SORCS2: variants seen among roughly 807,000 people sequenced by gnomAD.
SORCS2 encodes VPS10 domain-containing receptor SorCS2.
Under a neutral mutation model 141.6 loss-of-function variants are expected in SORCS2, and 100 were observed. That is an observed-to-expected ratio of 0.71 (90% CI 0.60 to 0.83). The LOEUF is 0.83. Ranked by LOEUF, SORCS2 falls within the 40% of genes least tolerant of loss-of-function variation. The pLI is 0.00. For missense variants in SORCS2, 1,646 were observed against 1,560.2 expected, an observed-to-expected ratio of 1.05 and a Z score of -0.93; for synonymous variants, 789 against 676.9, an observed-to-expected ratio of 1.17 and a Z score of -2.57.
At chr4:7,291,252 G>A (rs1035681756) in intron 1 of SORCS2, among the ~76,000 whole-genome samples, 1 of 152,172 alleles carries the variant, frequency 6.6e-6, no homozygotes, top group South Asian at 2.1e-4. Flanking sequence ...GAACAGCTGT[G>A]GGGGGCCAGG....
At chr4:7,199,929 C>T (rs1727393687) in intron 1 of SORCS2, among the ~76,000 whole-genome samples, 1 of 152,064 alleles carries the variant, frequency 6.6e-6, no homozygotes, top group South Asian at 2.1e-4. Context: ...GGGACCGACA[C>T]TCCCGGGGAA....
At chr4:7,714,490 T>C in intron 16 of SORCS2, 117 bp downstream of exon 16, 2 of 1,168,632 alleles carry the variant, frequency 1.7e-6, no homozygotes, top group South Asian at 3.0e-5. Context: ...TAACCTGGTG[T>C]CACAGTCGCA....
intron 23 of SORCS2, among the ~76,000 whole-genome samples, chr4:7,730,560 G>C (rs1711582284): frequency 6.6e-6 from 1 of 152,196 alleles, no homozygotes; most frequent in African/African-American, 2.4e-5. Flanking sequence ...ACCACCAAAA[G>C]GAACGAAGCC....
chr4:7,217,696 G>A (rs1728447277), intron 1 of SORCS2, among the ~76,000 whole-genome samples: 1 of 152,198 alleles, frequency 6.6e-6, no homozygotes, highest in Admixed American at 6.5e-5. Context: ...GACTCGTTAT[G>A]TAGCTGTGTG....
intron 3 of SORCS2, among the ~76,000 whole-genome samples, chr4:7,606,638 C>A (rs1166904537): frequency 6.6e-6 from 1 of 152,032 alleles, no homozygotes; most frequent in African/African-American, 2.4e-5. Context: ...GCTGGACTTG[C>A]CCTGTTTGGG....
intron 3 of SORCS2, among the ~76,000 whole-genome samples, chr4:7,584,300 G>T (rs1239798828): frequency 6.6e-6 from 1 of 152,224 alleles, no homozygotes; most frequent in Non-Finnish European, 1.5e-5. Context: ...GAAACAGAGA[G>T]TTGGGAACCC....
chr4:7,216,514 A>C, intron 1 of SORCS2, among the ~76,000 whole-genome samples: 1 of 152,198 alleles, frequency 6.6e-6, no homozygotes, highest in East Asian at 1.9e-4. Flanking sequence ...GCTAAGGTCA[A>C]GGTGTCAGTG....
chr4:7,596,147 C>A (rs1358498472), intron 3 of SORCS2, among the ~76,000 whole-genome samples: 3 of 152,142 alleles, frequency 2.0e-5, no homozygotes, highest in Non-Finnish European at 4.4e-5. Context: ...TAAGACAATG[C>A]CACACTGTGT....
At chr4:7,446,302 C>T (rs1727997577) in intron 2 of SORCS2, among the ~76,000 whole-genome samples, 1 of 152,208 alleles carries the variant, frequency 6.6e-6, no homozygotes, top group Admixed American at 6.5e-5. Flanking sequence ...CCACCCACCC[C>T]AGGAGCTGTG....
At chr4:7,493,935 T>C (rs143204663) in intron 2 of SORCS2, among the ~76,000 whole-genome samples, 3 of 152,250 alleles carry the variant, frequency 2.0e-5, no homozygotes, top group African/African-American at 7.2e-5. Flanking sequence ...ACACAAGCCT[T>C]TTAGTTTCCA....
At chr4:7,467,480 C>T (rs1729687849) in intron 2 of SORCS2, among the ~76,000 whole-genome samples, 1 of 152,218 alleles carries the variant, frequency 6.6e-6, no homozygotes, top group Admixed American at 6.5e-5. Context: ...GCCTCCGAGT[C>T]AAGTGACATC....
At position 7,471,164 on chromosome 4, in the gene SORCS2, C is replaced by T. The variant is rs765953368; in HGVS notation, c.549-60366C>T. Reference sequence around the variant, plus strand: ...GACAGATGCGTTGGGAACAGGTCAGCGTTGCACCCGCCCGCTATCGGGGCC... The same window carrying T: ...GACAGATGCGTTGGGAACAGGTCAGTGTTGCACCCGCCCGCTATCGGGGCC... On this transcript the variant is annotated intron_variant, in intron 2 of 26. Transcript: ENST00000507866. Among the ~76,000 whole-genome samples, 8 of 152,354 alleles carry T rather than the reference C, an allele frequency of 5.3e-5. No individual in the cohort carries two copies. In the East Asian group the frequency reaches 7.7e-4, roughly 15 times the overall value.
At chr4:7,675,078 C>T (rs1202400897) in intron 8 of SORCS2, among the ~76,000 whole-genome samples, 2 of 152,194 alleles carry the variant, frequency 1.3e-5, no homozygotes, top group Admixed American at 6.5e-5. Context: ...CTGTCTGGAC[C>T]CTTTTACTCT....
intron 3 of SORCS2, among the ~76,000 whole-genome samples, chr4:7,544,047 TCCAGCCACCCAC>T (rs1713049530): frequency 7.5e-6 from 1 of 132,724 alleles, no homozygotes; most frequent in African/African-American, 2.9e-5. Context: ...CACCCATCCA[TCCAGCCACCCAC>T]CCATCCATCC....
chr4:7,679,733 C>T (rs993043491), intron 9 of SORCS2, among the ~76,000 whole-genome samples: 1 of 146,510 alleles, frequency 6.8e-6, no homozygotes, highest in African/African-American at 2.5e-5. Flanking sequence ...TGTCTGAAGC[C>T]ACACAACTTG....
chr4:7,657,166 G>T (rs1434557102), intron 5 of SORCS2, among the ~76,000 whole-genome samples: 1 of 152,262 alleles, frequency 6.6e-6, no homozygotes, highest in Non-Finnish European at 1.5e-5. Flanking sequence ...GCCTTCGCCA[G>T]TACACTGAGA....
chr4:7,606,121 C>A (rs1028318100), intron 3 of SORCS2, among the ~76,000 whole-genome samples: 9 of 152,152 alleles, frequency 5.9e-5, no homozygotes, highest in African/African-American at 2.4e-5. Context: ...CCATGAACCA[C>A]CCCTTCTTGA....
At chr4:7,345,495 C>T (rs1482250616) in intron 1 of SORCS2, among the ~76,000 whole-genome samples, 3 of 152,136 alleles carry the variant, frequency 2.0e-5, no homozygotes, top group Non-Finnish European at 4.4e-5. Context: ...CTCTCCAGTG[C>T]TCTTCCAGGC....
intron 2 of SORCS2, among the ~76,000 whole-genome samples, chr4:7,514,798 C>T (rs1313833088): frequency 1.3e-5 from 2 of 152,142 alleles, no homozygotes; most frequent in East Asian, 1.9e-4. Context: ...ATGTGGCTGA[C>T]CTTGATCTCA....
Sources: allele counts gnomAD v4.1 joint callset (sites outside exome capture counted in the v4.1 genomes callset), GRCh38; gene constraint gnomAD v4.1.1; transcripts MANE v1.5; gene names NCBI Gene and HGNC (gene_info 2026-07-23, HGNC 2026-07-21).